The following FGF13 variants were observed in gnomAD, a reference collection of about 807,000 sequenced individuals.
FGF13 encodes the protein fibroblast growth factor 13.
Under a neutral mutation model 19.5 loss-of-function variants are expected in FGF13, and 2 were observed. That is an observed-to-expected ratio of 0.10 (90% confidence interval 0.04 to 0.32). The LOEUF (loss-of-function observed/expected upper bound fraction) is 0.32. Ranked by LOEUF, FGF13 falls within the 10% of genes least tolerant of loss-of-function variation. The pLI, the probability that FGF13 is intolerant of heterozygous loss-of-function variation, is 1.00. For synonymous variants in FGF13, 72 were observed against 76.9 expected (o/e 0.94, Z 0.33); for missense variants, 113 against 192.7 (o/e 0.59, Z 2.45).
intron 1 of FGF13, among the ~76,000 whole-genome samples, chrX:138,989,570 C>A (rs1203029657): frequency 9.0e-6 from 1 of 110,998 alleles, no homozygotes; most frequent in African/African-American, 3.3e-5. Context: ...GAATTAGAGG[C>A]CTTGCAGAGA....
Position 138,962,078 on chromosome X carries a change from T to C in FGF13, c.-112-97428A>G, listed in dbSNP as rs2091873952. On this transcript the variant is annotated intron_variant, in intron 1 of 2. Transcript: ENST00000421460. ...AGGCAACCAACAGAATGGGAGAAAA[T>C]GTTTGCAATCTACCCATTTGAAAAA... is the stretch of plus-strand genomic sequence containing the variant. 3.6e-5 allele frequency among the ~76,000 whole-genome samples: 4 copies of C among 111,693 alleles called. No individual in the cohort carries two copies. In the Admixed American group the frequency reaches 3.8e-4, roughly 11 times the overall value.
intron 1 of FGF13, among the ~76,000 whole-genome samples, chrX:139,202,925 A>T (rs923190677): frequency 1.9e-5 from 2 of 105,796 alleles, no homozygotes; most frequent in African/African-American, 7.8e-5. Flanking sequence ...AGTCCAGCCC[A>T]CTCCAGCGTC....
chrX:138,653,169 G>A (rs903031370), intron 3 of FGF13, among the ~76,000 whole-genome samples: 1 of 111,382 alleles, frequency 9.0e-6, no homozygotes, highest in African/African-American at 3.3e-5. Context: ...AGCACATACC[G>A]TACAGATGGG....
At chrX:138,841,208 C>A (rs1006082925) in intron 3 of FGF13, among the ~76,000 whole-genome samples, 4 of 111,158 alleles carry the variant, frequency 3.6e-5, no homozygotes, top group South Asian at 7.6e-4. Flanking sequence ...TGTGCCCATA[C>A]CAGGTCATGC....
intron 1 of FGF13, among the ~76,000 whole-genome samples, chrX:138,979,572 C>G (rs1217554858): frequency 9.1e-6 from 1 of 109,676 alleles, no homozygotes; most frequent in African/African-American, 3.3e-5. Context: ...ACCTTTTTCC[C>G]ATTTGACAAA....
intron 3 of FGF13, among the ~76,000 whole-genome samples, chrX:138,654,793 T>C (rs1214203761): frequency 9.0e-6 from 1 of 110,680 alleles, no homozygotes; most frequent in Non-Finnish European, 1.9e-5. Context: ...AGCGGGGTGA[T>C]GGCAGGTAAT....
chrX:138,792,348 T>C (rs146142864), intron 3 of FGF13, among the ~76,000 whole-genome samples: 105 of 112,428 alleles, frequency 9.3e-4, no homozygotes, highest in Middle Eastern at 4.6e-3. Context: ...AGAGTTTCAA[T>C]GTCTTGCCCC....
At chrX:138,880,096 G>T (rs775070895) in intron 1 of FGF13, among the ~76,000 whole-genome samples, 1 of 112,389 alleles carries the variant, frequency 8.9e-6, no homozygotes, top group East Asian at 2.8e-4. Flanking sequence ...ATCATCACTG[G>T]TCATTAGAGA....
chrX:138,997,658 A>G (rs1274062888), intron 1 of FGF13, among the ~76,000 whole-genome samples: 1 of 111,965 alleles, frequency 8.9e-6, no homozygotes, highest in Non-Finnish European at 1.9e-5. Context: ...AAATAAACAA[A>G]GCCTCCAGGA....
intron 1 of FGF13, among the ~76,000 whole-genome samples, chrX:139,120,199 A>G (rs1330209897): frequency 8.9e-6 from 1 of 112,547 alleles, no homozygotes; most frequent in African/African-American, 3.2e-5. Context: ...CTCTGAGTCA[A>G]TTAAACTTCT....
intron 1 of FGF13, among the ~76,000 whole-genome samples, chrX:138,905,392 C>T (rs1393284857): frequency 9.0e-6 from 1 of 111,508 alleles, no homozygotes; most frequent in African/African-American, 3.3e-5. Context: ...TGGAATATAC[C>T]AGATATTGCC....
chrX:138,706,294 T>C (rs1286612702), intron 2 of FGF13, among the ~76,000 whole-genome samples: 1 of 112,411 alleles, frequency 8.9e-6, no homozygotes, highest in Non-Finnish European at 1.9e-5. Flanking sequence ...CTTTTCCTTT[T>C]CAAGGGAAAA....
chrX:138,931,080 T>A (rs1223135735), intron 1 of FGF13, among the ~76,000 whole-genome samples: 3 of 112,628 alleles, frequency 2.7e-5, no homozygotes, highest in African/African-American at 9.7e-5. Flanking sequence ...AGAATTCCAA[T>A]CTTATTTGGC....
intron 1 of FGF13, among the ~76,000 whole-genome samples, chrX:138,961,730 C>T (rs766166043): frequency 2.8e-4 from 31 of 111,747 alleles, no homozygotes; most frequent in African/African-American, 9.8e-4. Context: ...CTGACAAAAA[C>T]AAGAAATGGG....
At chrX:139,178,540 C>T in intron 1 of FGF13, among the ~76,000 whole-genome samples, 1 of 112,053 alleles carries the variant, frequency 8.9e-6, no homozygotes, top group South Asian at 3.8e-4. Context: ...CACTCCACAT[C>T]ACCATGTCAC....
intron 3 of FGF13, among the ~76,000 whole-genome samples, chrX:138,833,674 G>A (rs1241195505): frequency 9.0e-6 from 1 of 111,550 alleles, no homozygotes; most frequent in Non-Finnish European, 1.9e-5. Flanking sequence ...GATTGCTCTG[G>A]CCGAGACGTC....
intron 1 of FGF13, among the ~76,000 whole-genome samples, chrX:138,975,684 G>C (rs1353443300): frequency 8.9e-6 from 1 of 111,833 alleles, no homozygotes; most frequent in Non-Finnish European, 1.9e-5. Flanking sequence ...GAAGAATGGT[G>C]TGAGCAAAAG....
At chrX:138,964,173 G>T (rs1412637282) in intron 1 of FGF13, among the ~76,000 whole-genome samples, 2 of 111,728 alleles carry the variant, frequency 1.8e-5, no homozygotes, top group Non-Finnish European at 3.8e-5. Flanking sequence ...GAGAAAGAAG[G>T]ATTCACTGAG....
At chrX:138,907,350 C>T (rs1217469478) in intron 1 of FGF13, among the ~76,000 whole-genome samples, 6 of 111,824 alleles carry the variant, frequency 5.4e-5, no homozygotes, top group African/African-American at 2.0e-4. Context: ...CCCCTCCCCT[C>T]TCCCTAACAG....
Sources: gnomAD v4.1 joint callset for allele counts (sites outside exome capture counted in the v4.1 genomes callset) on GRCh38, gnomAD v4.1.1 for gene constraint, MANE v1.5 for transcripts, NCBI Gene and HGNC (gene_info 2026-07-23, HGNC 2026-07-21) for gene names.